TLCD3A: variants seen among roughly 807,000 people sequenced by gnomAD.
TLCD3A encodes the protein TLC domain-containing protein 3A.
A neutral mutation model predicts 29.9 loss-of-function variants in TLCD3A; 17 were observed. That is an observed-to-expected ratio of 0.57 (90% CI 0.39 to 0.85). TLCD3A has a LOEUF of 0.85. TLCD3A is among the 40% of genes least tolerant of loss of function. TLCD3A has a pLI of 0.00. For missense variants in TLCD3A, 332 were observed against 350.8 expected, an observed-to-expected ratio of 0.95 and a Z score of 0.43; for synonymous variants, 143 against 147.7, an observed-to-expected ratio of 0.97 and a Z score of 0.23.
chr17:738,094 G>GTTTGTTT lies in TLCD3A; in HGVS notation c.408+48_408+49insTTGTTTT, dbSNP rs200758501. ...GACCAGCAGCTGGGTTGAGCTGGGTGTCTTTTTTTTTTTTTTTTTCTGAGA... is the reference window on the plus strand; with the variant it reads ...GACCAGCAGCTGGGTTGAGCTGGGTGTTTGTTTTCTTTTTTTTTTTTTTTTTCTGAGA... On this transcript the variant is annotated intron_variant, in intron 3 of 4. Coordinates refer to ENST00000308278, the MANE Select transcript of TLCD3A (RefSeq NM_024792.3). The GTTTGTTT allele has an allele frequency of 1.1e-3, 461 of 428,432 alleles. 6 individuals carry two copies. The highest frequency in any genetic ancestry group is 4.3e-3 in the Middle Eastern group (7 of 1,614). The allele number at this position is 428,432 out of a possible 1,614,324, so 26.5% of individuals were successfully genotyped here. A position where few individuals can be genotyped will look rare whatever the true frequency, so the allele number is the denominator to read the frequency against.
At chr17:739,698 T>C (rs79696985) in intron 3 of TLCD3A, among the ~76,000 whole-genome samples, 11 of 152,348 alleles carry the variant, frequency 7.2e-5, no homozygotes, top group South Asian at 2.1e-4. Context: ...TCTTATGCTG[T>C]AGATGAAGAA....
chr17:736,856 A>C (rs1226908943), intron 2 of TLCD3A, among the ~76,000 whole-genome samples: 3 of 151,698 alleles, frequency 2.0e-5, no homozygotes, highest in Non-Finnish European at 4.4e-5. Flanking sequence ...GGGTTTCACA[A>C]TGTTGATAAG....
chr17:739,379 G>C (rs1339739737), intron 3 of TLCD3A, among the ~76,000 whole-genome samples: 1 of 152,056 alleles, frequency 6.6e-6, no homozygotes, highest in Non-Finnish European at 1.5e-5. Context: ...ATTAGAGACG[G>C]GGTTTCACCA....
intron 4 of TLCD3A, among the ~76,000 whole-genome samples, chr17:740,851 G>A (rs979297482): frequency 6.6e-6 from 1 of 152,116 alleles, no homozygotes; most frequent in African/African-American, 2.4e-5. Flanking sequence ...GATGGTGGGT[G>A]TGGAGAAATC....
chr17:733,102 G>T lies in TLCD3A; in HGVS notation c.127G>T (p.Val43Phe), dbSNP rs1420856276. 6.3e-7 allele frequency: 1 copy of T among 1,588,030 alleles called. No individual in the cohort carries two copies. Among genetic ancestry groups the T allele is most frequent in the East Asian group, 2.3e-5 (1 of 42,924 alleles). The change falls in exon 2 of 5, where the codon GTT (valine) becomes TTT (phenylalanine). Residue 43 changes from valine (V) to phenylalanine (F), a missense_variant. By Grantham distance (50) the Val-to-Phe change is conservative. Coordinates refer to ENST00000308278, the MANE Select transcript of TLCD3A (RefSeq NM_024792.3). ...TGTTCTCTCCGCCCGCGCTAGGCTGGTTTCCTCGGTGCACGCCGTGCTGGC... is the reference window on the plus strand; with the variant it reads ...TGTTCTCTCCGCCCGCGCTAGGCTGTTTTCCTCGGTGCACGCCGTGCTGGC... ...TDCVMISTRL[V>F]SSVHAVLATG...
At chr17:735,973 C>CA (rs1974148018) in intron 2 of TLCD3A, among the ~76,000 whole-genome samples, 1 of 60,900 alleles carries the variant, frequency 1.6e-5, no homozygotes, top group Non-Finnish European at 3.2e-5. Flanking sequence ...GATTTTGTCT[C>CA]AAAAACCAAA....
At chr17:732,966 C>G in intron 1 of TLCD3A, 132 bp from the exon 2 acceptor site, 1 of 1,395,862 alleles carries the variant, frequency 7.2e-7, no homozygotes, top group Non-Finnish European at 9.6e-7. Flanking sequence ...GCGGGAATGG[C>G]CGATGAGCCT....
chr17:736,034 AGT>A (rs1974149666), intron 2 of TLCD3A, among the ~76,000 whole-genome samples: 1 of 150,334 alleles, frequency 6.7e-6, no homozygotes, highest in South Asian at 2.1e-4. Context: ...TTCACCTACA[AGT>A]GTGTTATACT....
intron 2 of TLCD3A, among the ~76,000 whole-genome samples, chr17:735,025 C>T (rs1408487019): frequency 2.0e-5 from 3 of 151,858 alleles, no homozygotes; most frequent in Non-Finnish European, 4.4e-5. Flanking sequence ...CCCTCCCCGC[C>T]GCCTTTCTTT....
In TLCD3A at chr17:741,838, TTA is replaced by T. The variant is rs1262240415; in HGVS notation, c.*270_*271del. 1 of 488,846 alleles carries T rather than the reference TTA, an allele frequency of 2.0e-6. No homozygotes were observed. 30.3% of individuals were successfully genotyped at this position (488,846 alleles called of 1,614,324 possible). A position where few individuals can be genotyped will look rare whatever the true frequency, so the allele number is the denominator to read the frequency against. Reference sequence around the variant, plus strand: ...AAGCCCAAGGATCCTTCTTAAGGTCTTATCTCAAGAGCTCTGGGAGGTGGAAG... The same window carrying T: ...AAGCCCAAGGATCCTTCTTAAGGTCTTCTCAAGAGCTCTGGGAGGTGGAAG... On this transcript the variant is annotated 3_prime_UTR_variant, in exon 5 of 5. Transcript: ENST00000308278.
chr17:741,503 G>C lies in TLCD3A; in HGVS notation c.707G>C (p.Trp236Ser). ...TTCCTCGTAGCTCCTCAGATCTACT[G>C]GTTCTGTCTGCTGTGCAGGAAGGCA... ...NAFLVAPQIY[W>S]FCLLCRKAVR... The change falls in exon 5 of 5, where the codon TGG becomes TCG. Residue 236 changes from tryptophan (W) to serine (S), a missense_variant. By Grantham distance (177) the Trp-to-Ser change is radical. Transcript: ENST00000308278. The C allele has an allele frequency of 6.2e-7, 1 of 1,614,140 alleles. No homozygotes were observed. Among genetic ancestry groups the C allele is most frequent in the Non-Finnish European group, 8.5e-7 (1 of 1,180,020 alleles).
At position 732,647 on chromosome 17, in the gene TLCD3A, G is replaced by A. The variant is rs1193529998; in HGVS notation, c.-1G>A. 1.5e-6 allele frequency: 2 copies of A among 1,330,992 alleles called. No homozygotes were observed. Among genetic ancestry groups the A allele is most frequent in the East Asian group, 3.3e-5 (1 of 30,658 alleles). 82.4% of individuals were successfully genotyped at this position (1,330,992 alleles called of 1,614,324 possible). A position where few individuals can be genotyped will look rare whatever the true frequency, so the allele number is the denominator to read the frequency against. On this transcript the variant is annotated 5_prime_UTR_variant, in exon 1 of 5. Coordinates refer to ENST00000308278, the MANE Select transcript of TLCD3A (RefSeq NM_024792.3). ...GCGAGGCGGCCGGACCCGCAGCCCC[G>A]ATGCTGCTGACGCTGGCCGGGGGCG... is the stretch of plus-strand genomic sequence containing the variant.
chr17:733,269 C>G, intron 2 of TLCD3A, 88 bp downstream of exon 2: 12 of 1,270,632 alleles, frequency 9.4e-6, no homozygotes, highest in Non-Finnish European at 1.3e-5. Flanking sequence ...GCTCAGAAAG[C>G]TGACTAATGG....
At chr17:733,023 C>A in intron 1 of TLCD3A, 75 bp from the exon 2 acceptor site, 1 of 1,096,908 alleles carries the variant, frequency 9.1e-7, no homozygotes, top group Non-Finnish European at 1.3e-6. Context: ...AGAGTCAGGC[C>A]GAAGGGCCGG....
At position 732,665 on chromosome 17, in the gene TLCD3A, C is replaced by T. The variant is rs1567768327; in HGVS notation, c.18C>T (p.Ala6=). 2.9e-6 allele frequency: 4 copies of T among 1,391,976 alleles called. No homozygotes were observed. Among genetic ancestry groups the T allele is most frequent in the Admixed American group, 2.7e-5 (1 of 36,778 alleles). The allele number at this position is 1,391,976 out of a possible 1,614,324, so 86.2% of individuals were successfully genotyped here. ...CAGCCCCGATGCTGCTGACGCTGGC[C>T]GGGGGCGCGCTCTTCTTCCCGGGGC... The part of the protein sequence containing the change: MLLTL[A]GGALFFPGLF... The change falls in exon 1 of 5, where the codon GCC becomes GCT. Residue 6 remains alanine (A), a synonymous_variant. Transcript: ENST00000308278.
At chr17:733,040 C>T (rs1280508407) in intron 1 of TLCD3A, 58 bp from the exon 2 acceptor site, 1 of 1,526,900 alleles carries the variant, frequency 6.5e-7, no homozygotes, top group Non-Finnish European at 8.9e-7. Flanking sequence ...CCGGGCCGGG[C>T]TCCCTGCGGT....
intron 2 of TLCD3A, among the ~76,000 whole-genome samples, chr17:734,043 T>C (rs1180533678): frequency 6.6e-6 from 1 of 152,220 alleles, no homozygotes; most frequent in Non-Finnish European, 1.5e-5. Flanking sequence ...CTGTCATGAT[T>C]TTTGTGCTTT....
chr17:733,772 G>A (rs59303315), intron 2 of TLCD3A, among the ~76,000 whole-genome samples: 3,387 of 152,334 alleles, frequency 0.022, 135 homozygotes, highest in African/African-American at 0.076. Flanking sequence ...ACTTTGTACA[G>A]TAGTTAGACC....
chr17:741,174 C>G, intron 4 of TLCD3A, 127 bp from the exon 5 acceptor site: 2 of 911,650 alleles, frequency 2.2e-6, no homozygotes, highest in East Asian at 4.9e-5. Context: ...GCCAGGGAAT[C>G]TGACAGCCAA....
Sources: allele counts gnomAD v4.1 joint callset (sites outside exome capture counted in the v4.1 genomes callset), GRCh38; gene constraint gnomAD v4.1.1; transcripts MANE v1.5; gene names NCBI Gene and HGNC (gene_info 2026-07-23, HGNC 2026-07-21).